SLC25A48: variants seen among roughly 807,000 people sequenced by gnomAD.
The protein encoded by SLC25A48 is CTC-321K16.1.
SLC25A48 carries 29 observed loss-of-function variants against 32.2 expected under a neutral mutation model. The observed-to-expected ratio is 0.90, with a 90% CI of 0.67 to 1.23. The LOEUF (loss-of-function observed/expected upper bound fraction) is 1.23. SLC25A48 is among the 50% of genes most tolerant of loss of function. SLC25A48 has a pLI of 0.00. For missense variants in SLC25A48, 399 were observed against 422.7 expected, an observed-to-expected ratio of 0.94 and a Z score of 0.49; for synonymous variants, 164 against 172.3, an observed-to-expected ratio of 0.95 and a Z score of 0.38.
At chr5:135,853,222 T>C (rs1470298454) in intron 4 of SLC25A48, among the ~76,000 whole-genome samples, 1 of 152,230 alleles carries the variant, frequency 6.6e-6, no homozygotes, top group African/African-American at 2.4e-5. Flanking sequence ...TGCCTCGATG[T>C]TGATGGCTGC....
intron 3 of SLC25A48, among the ~76,000 whole-genome samples, chr5:135,668,050 C>G (rs962931840): frequency 6.6e-6 from 1 of 152,180 alleles, no homozygotes; most frequent in Admixed American, 6.5e-5. Flanking sequence ...GCAGCCAGTG[C>G]AAGAGTCCAG....
chr5:135,597,926 C>T (rs1751693381), intron 1 of SLC25A48, among the ~76,000 whole-genome samples: 1 of 152,120 alleles, frequency 6.6e-6, no homozygotes, highest in Non-Finnish European at 1.5e-5. Flanking sequence ...ATCACTTGAA[C>T]TCAGGAGACG....
In SLC25A48 at chr5:135,839,301, T is replaced by C. The variant is rs114798734; in HGVS notation, c.47-3115T>C. Among the ~76,000 whole-genome samples, 1,376 of 152,270 alleles carry C rather than the reference T, an allele frequency of 9.0e-3. 10 individuals are homozygous for C. The highest frequency in any genetic ancestry group is 0.015 in the South Asian group (70 of 4,810). On this transcript the variant is annotated intron_variant, in intron 1 of 7. Coordinates refer to ENST00000681962, the MANE Select transcript of SLC25A48 (RefSeq NM_001349336.2). ...GACCATGAGAACCCACCTCTTGCAT[T>C]AGTGTGACCTGGATATGAAACATGG...
chr5:135,716,020 G>T (rs1175972473), intron 3 of SLC25A48, among the ~76,000 whole-genome samples: 1 of 152,206 alleles, frequency 6.6e-6, no homozygotes, highest in Admixed American at 6.5e-5. Context: ...ATAACTGCCA[G>T]TTATCCAGAA....
intron 3 of SLC25A48, among the ~76,000 whole-genome samples, chr5:135,754,549 A>G (rs1459307442): frequency 6.6e-6 from 1 of 151,924 alleles, no homozygotes; most frequent in Non-Finnish European, 1.5e-5. Flanking sequence ...ATAATATCCA[A>G]TGATTACACA....
At chr5:135,729,055 A>G (rs2126989870) in intron 3 of SLC25A48, among the ~76,000 whole-genome samples, 1 of 151,924 alleles carries the variant, frequency 6.6e-6, no homozygotes, top group Non-Finnish European at 1.5e-5. Flanking sequence ...CCTGTGCTTT[A>G]TTCCTTTTAG....
rs532658621 is a variant in SLC25A48, at chr5:135,814,421, T to C, written c.-117+1495T>C. On this transcript the variant is annotated intron_variant, in intron 4 of 10. Transcript: ENST00000646290. ...AGGGGATCATGTGTTCCTGGGATCA[T>C]GTGTCCCAGGACAGTAGGAATGTCA... 1.6e-4 allele frequency among the ~76,000 whole-genome samples: 24 copies of C among 152,334 alleles called. No individual in the cohort carries two copies. The South Asian group carries it at 4.6e-3, about 29-fold the overall frequency.
chr5:135,774,139 T>C (rs563223136), intron 3 of SLC25A48, among the ~76,000 whole-genome samples: 1 of 151,854 alleles, frequency 6.6e-6, no homozygotes, highest in East Asian at 1.9e-4. Context: ...TACACCCCCC[T>C]GTGATATTGT....
intron 1 of SLC25A48, among the ~76,000 whole-genome samples, chr5:135,626,908 A>G (rs760760051): frequency 6.6e-6 from 1 of 152,136 alleles, no homozygotes; most frequent in Non-Finnish European, 1.5e-5. Flanking sequence ...GTGACTGACC[A>G]TCCAGGGTCC....
intron 3 of SLC25A48, among the ~76,000 whole-genome samples, chr5:135,768,894 GTGA>G (rs1756320714): frequency 6.6e-6 from 1 of 151,834 alleles, no homozygotes; most frequent in South Asian, 2.1e-4. Context: ...TCCAGAGAAA[GTGA>G]TGATGACATT....
intron 3 of SLC25A48, among the ~76,000 whole-genome samples, chr5:135,744,472 TCAAGAG>T (rs1414331355): frequency 1.6e-5 from 2 of 127,684 alleles, no homozygotes; most frequent in Admixed American, 1.6e-4. Flanking sequence ...CACCTCAGCC[TCAAGAG>T]TAGGCACGCA....
At chr5:135,735,637 C>T (rs751039128) in intron 3 of SLC25A48, among the ~76,000 whole-genome samples, 1 of 152,132 alleles carries the variant, frequency 6.6e-6, no homozygotes, top group South Asian at 2.1e-4. Flanking sequence ...GGGATCCTCT[C>T]GGGGAACTGC....
chr5:135,852,944 A>G, intron 4 of SLC25A48, 123 bp downstream of exon 4: 2 of 1,314,232 alleles, frequency 1.5e-6, no homozygotes, highest in Non-Finnish European at 2.1e-6. Flanking sequence ...GTCACCTAGT[A>G]GTCCGTAATT....
intron 3 of SLC25A48, among the ~76,000 whole-genome samples, chr5:135,646,852 A>G (rs923786868): frequency 1.3e-5 from 2 of 151,522 alleles, no homozygotes; most frequent in Non-Finnish European, 1.5e-5. Context: ...ATCTAAGGGC[A>G]TAAAGTTTCA....
intron 3 of SLC25A48, among the ~76,000 whole-genome samples, chr5:135,755,165 CTG>C (rs1755866607): frequency 1.3e-5 from 2 of 152,080 alleles, no homozygotes; most frequent in Middle Eastern, 3.2e-3. Context: ...TGTTTACACA[CTG>C]TGATATTAAT....
intron 4 of SLC25A48, among the ~76,000 whole-genome samples, chr5:135,822,626 C>T (rs1268838687): frequency 6.6e-6 from 1 of 152,208 alleles, no homozygotes; most frequent in South Asian, 2.1e-4. Context: ...CACCCTGACC[C>T]GGTGTGACCT....
intron 1 of SLC25A48, among the ~76,000 whole-genome samples, chr5:135,837,685 T>C (rs1487956708): frequency 6.6e-6 from 1 of 151,776 alleles, no homozygotes; most frequent in Non-Finnish European, 1.5e-5. Context: ...TAAAGGGGAG[T>C]TCCCTACACA....
chr5:135,720,716 T>C (rs1754931067), intron 3 of SLC25A48, among the ~76,000 whole-genome samples: 1 of 150,866 alleles, frequency 6.6e-6, no homozygotes, highest in South Asian at 2.1e-4. Context: ...GAGACCAGGG[T>C]GAAAAAAAAG....
At chr5:135,752,773 AT>A (rs1350864984) in intron 3 of SLC25A48, among the ~76,000 whole-genome samples, 1 of 152,124 alleles carries the variant, frequency 6.6e-6, no homozygotes, top group Non-Finnish European at 1.5e-5. Context: ...GATATTATGA[AT>A]AATGTCACTG....
Sources: gnomAD v4.1 joint callset for allele counts (sites outside exome capture counted in the v4.1 genomes callset) on GRCh38, gnomAD v4.1.1 for gene constraint, MANE v1.5 for transcripts, NCBI Gene and HGNC (gene_info 2026-07-23, HGNC 2026-07-21) for gene names.